TNFSF8: variants seen among roughly 807,000 people sequenced by gnomAD.
The protein encoded by TNFSF8 is TNF superfamily member 8.
A neutral mutation model predicts 22.0 loss-of-function variants in TNFSF8; 4 were observed. The observed-to-expected ratio is 0.18, with a 90% CI of 0.09 to 0.42. The LOEUF is 0.42. Among genes scored for constraint, TNFSF8 ranks in the 10% least tolerant of loss-of-function variants. TNFSF8 has a pLI of 1.00. For missense variants in TNFSF8, 233 were observed against 281.8 expected (o/e 0.83, Z 1.24); for synonymous variants, 106 against 112.5 (o/e 0.94, Z 0.37).
At position 114,924,655 on chromosome 9, in the gene TNFSF8, G is replaced by C. The variant is rs1055141892; in HGVS notation, c.195+5454C>G. 3.9e-5 allele frequency among the ~76,000 whole-genome samples: 6 copies of C among 152,238 alleles called. No individual in the cohort carries two copies. The Middle Eastern group carries it at 0.014, about 345-fold the overall frequency. ...GTAGGTTTGAACATTTTCAAAATAA[G>C]ACTTTGGGAATAAGCCATGACTGTT... On this transcript the variant is annotated intron_variant, in intron 1 of 3. Transcript: ENST00000223795.
At chr9:114,908,831 G>C (rs1827816717) in intron 2 of TNFSF8, among the ~76,000 whole-genome samples, 1 of 152,134 alleles carries the variant, frequency 6.6e-6, no homozygotes, top group Non-Finnish European at 1.5e-5. Flanking sequence ...CACTAGAGGA[G>C]CTATTGAGGG....
At chr9:114,917,474 C>T (rs749925166) in intron 2 of TNFSF8, among the ~76,000 whole-genome samples, 23 of 152,110 alleles carry the variant, frequency 1.5e-4, no homozygotes, top group South Asian at 6.2e-4. Flanking sequence ...TTCTCATCAT[C>T]GATGTTAACT....
At chr9:114,919,043 T>G (rs1490601081) in intron 1 of TNFSF8, among the ~76,000 whole-genome samples, 1 of 151,580 alleles carries the variant, frequency 6.6e-6, no homozygotes, top group Non-Finnish European at 1.5e-5. Flanking sequence ...CCATGTTTGA[T>G]TCATCTGTGA....
At chr9:114,914,843 G>C (rs910723886) in intron 2 of TNFSF8, among the ~76,000 whole-genome samples, 33 of 152,286 alleles carry the variant, frequency 2.2e-4, no homozygotes, top group African/African-American at 7.7e-4. Context: ...GCCAGGAATG[G>C]GAAGCTTGTG....
At chr9:114,897,315 G>A (rs948463281), downstream of TNFSF8, among the ~76,000 whole-genome samples, 5 of 150,682 alleles carry the variant, frequency 3.3e-5, no homozygotes, top group African/African-American at 1.2e-4. Context: ...TCCTTAAAAC[G>A]GACTTATGTT....
rs529282002 is a variant in TNFSF8, at chr9:114,913,740, C to A, written c.238+4356G>T. Among the ~76,000 whole-genome samples the A allele has an allele frequency of 2.6e-5, 4 of 152,284 alleles. No homozygotes were observed. In the South Asian group the frequency reaches 6.2e-4, roughly 24 times the overall value. ...CTGAAATTTTAGGCAAGGCAACAAGCCTGTCTGTGCTCCAGTTTCCTTACC... is the reference window on the plus strand; with the variant it reads ...CTGAAATTTTAGGCAAGGCAACAAGACTGTCTGTGCTCCAGTTTCCTTACC... On this transcript the variant is annotated intron_variant, in intron 2 of 3. Transcript: ENST00000223795.
chr9:114,914,915 C>T (rs1015557832), intron 2 of TNFSF8, among the ~76,000 whole-genome samples: 5 of 152,108 alleles, frequency 3.3e-5, no homozygotes, highest in Admixed American at 6.5e-5. Flanking sequence ...TCCTCTGTAG[C>T]GAAGTGTATC....
At chr9:114,898,378 T>C (rs909368888), downstream of TNFSF8, among the ~76,000 whole-genome samples, 1 of 152,180 alleles carries the variant, frequency 6.6e-6, no homozygotes, top group Admixed American at 6.5e-5. Flanking sequence ...TGTAAGAGCT[T>C]GATAAATGGT....
chr9:114,906,795 T>C (rs912029469), intron 2 of TNFSF8, among the ~76,000 whole-genome samples: 1 of 152,206 alleles, frequency 6.6e-6, no homozygotes, highest in African/African-American at 2.4e-5. Context: ...TAATATTTTG[T>C]ATGCAAAGAT....
intron 3 of TNFSF8, 33 bp from the exon 4 acceptor site, chr9:114,904,358 G>C: frequency 1.9e-6 from 3 of 1,558,114 alleles, no homozygotes; most frequent in Non-Finnish European, 2.6e-6. Context: ...CAGAATTATT[G>C]AGAAGATTGT....
At chr9:114,915,311 G>A (rs1802339167) in intron 2 of TNFSF8, among the ~76,000 whole-genome samples, 1 of 152,048 alleles carries the variant, frequency 6.6e-6, no homozygotes, top group African/African-American at 2.4e-5. Flanking sequence ...TCTCATAAAG[G>A]GTCAAAGCTG....
intron 1 of TNFSF8, 118 bp downstream of exon 1, chr9:114,929,991 T>C: frequency 1.9e-6 from 1 of 529,046 alleles, no homozygotes; most frequent in Non-Finnish European, 3.1e-6. Flanking sequence ...GAGAGAGAGT[T>C]TATTTATTTA....
chr9:114,907,129 G>A (rs558647745), intron 2 of TNFSF8, among the ~76,000 whole-genome samples: 1 of 152,296 alleles, frequency 6.6e-6, no homozygotes, highest in Admixed American at 6.5e-5. Flanking sequence ...AGCTTCATGG[G>A]GGCTTTGGAG....
intron 2 of TNFSF8, among the ~76,000 whole-genome samples, chr9:114,916,449 C>T (rs905028945): frequency 1.3e-5 from 2 of 152,142 alleles, no homozygotes; most frequent in Admixed American, 6.5e-5. Context: ...AAACTATCCT[C>T]GTCACTGAGA....
chr9:114,927,621 T>A (rs1430400692), intron 1 of TNFSF8, among the ~76,000 whole-genome samples: 1 of 152,250 alleles, frequency 6.6e-6, no homozygotes, highest in African/African-American at 2.4e-5. Context: ...TGTCATGGTA[T>A]CCCTTTAATC....
chr9:114,912,227 G>A (rs1273882185), intron 2 of TNFSF8, among the ~76,000 whole-genome samples: 1 of 152,146 alleles, frequency 6.6e-6, no homozygotes, highest in Non-Finnish European at 1.5e-5. Context: ...ATGAGATAAT[G>A]CATAAAAATG....
downstream of TNFSF8, among the ~76,000 whole-genome samples, chr9:114,898,117 C>T (rs1827675898): frequency 6.6e-6 from 1 of 151,876 alleles, no homozygotes; most frequent in Non-Finnish European, 1.5e-5. Flanking sequence ...ATTCTCCTGC[C>T]TCAGCCTCCC....
rs891146903 is a variant in TNFSF8, at chr9:114,901,185, T to C, written c.*2746A>G. ...ATTATTTATTTTACTTGCATAGATA[T>C]CATTTTACTCATGGAGTATCATTTG... is the stretch of plus-strand genomic sequence containing the variant. On this transcript the variant is annotated 3_prime_UTR_variant, in exon 4 of 4. Transcript: ENST00000223795. 1.0e-6 allele frequency: 1 copy of C among 985,262 alleles called. No homozygotes were observed. The highest frequency in any genetic ancestry group is 1.2e-6 in the Non-Finnish European group (1 of 829,888). The allele number at this position is 985,262 out of a possible 1,614,324, so 61.0% of individuals were successfully genotyped here. A position where few individuals can be genotyped will look rare whatever the true frequency, so the allele number is the denominator to read the frequency against.
intron 2 of TNFSF8, among the ~76,000 whole-genome samples, chr9:114,912,951 A>G (rs935236803): frequency 6.6e-6 from 1 of 152,254 alleles, no homozygotes; most frequent in African/African-American, 2.4e-5. Flanking sequence ...AAAGTGGTCA[A>G]AGAATCCTAA....
Sources: gnomAD v4.1 joint callset for allele counts (sites outside exome capture counted in the v4.1 genomes callset) on GRCh38, gnomAD v4.1.1 for gene constraint, MANE v1.5 for transcripts, NCBI Gene and HGNC (gene_info 2026-07-23, HGNC 2026-07-21) for gene names.